LRFN2: variants seen among roughly 807,000 people sequenced by gnomAD.
The protein encoded by LRFN2 is leucine rich repeat and fibronectin type III domain containing 2, also known as leucine-rich repeat and fibronectin type-III domain-containing protein 2.
LRFN2 carries 18 observed loss-of-function variants against 37.3 expected under a neutral mutation model. The observed-to-expected ratio is 0.48, with a 90% confidence interval of 0.33 to 0.72. LRFN2 has a LOEUF of 0.72. LRFN2 is among the 30% of genes least tolerant of loss of function. The probability of loss-of-function intolerance (pLI) is 0.02; values close to 1 mark genes in which losing one functional copy is unlikely to be tolerated. For synonymous variants in LRFN2, 556 were observed against 466.6 expected, an observed-to-expected ratio of 1.19 and a Z score of -2.47; for missense variants, 1,006 against 1,060.7, an observed-to-expected ratio of 0.95 and a Z score of 0.72.
intron 1 of LRFN2, among the ~76,000 whole-genome samples, chr6:40,586,263 G>A (rs543842279): frequency 1.8e-4 from 28 of 152,222 alleles, no homozygotes; most frequent in African/African-American, 6.7e-4. Context: ...GGGCTGGGTG[G>A]GAGACAGAGA....
chr6:40,432,849 T>G lies in LRFN2; in HGVS notation c.265A>C (p.Ser89Arg). Residue 89 changes from serine (S) to arginine (R), a missense_variant, in exon 2 of 3, where the codon AGC becomes CGC. Ser to Arg is a moderately radical substitution (Grantham distance 110). Transcript: ENST00000338305. ...AGAAAGGAAAAGGGCTGGATGTGGC[T>G]GATGGTGTTCCTGGACAGGGTCAGG... Reference protein sequence around the residue: ...VDLTLSRNTISHIQPFSFLDL... With the variant: ...VDLTLSRNTIRHIQPFSFLDL... 1.2e-6 allele frequency: 2 copies of G among 1,614,250 alleles called. No individual in the cohort carries two copies. The highest frequency in any genetic ancestry group is 8.5e-7 in the Non-Finnish European group (1 of 1,180,054).
intron 1 of LRFN2, among the ~76,000 whole-genome samples, chr6:40,472,704 ACT>A (rs1764626777): frequency 6.6e-6 from 1 of 151,316 alleles, no homozygotes; most frequent in South Asian, 2.1e-4. Flanking sequence ...ATGTGACCTG[ACT>A]CTGAGCAGCA....
intron 1 of LRFN2, among the ~76,000 whole-genome samples, chr6:40,437,837 G>T (rs71573305): frequency 6.6e-6 from 1 of 152,196 alleles, no homozygotes; most frequent in African/African-American, 2.4e-5. Flanking sequence ...AAGTATCTTA[G>T]GGTGGTGTAG....
At chr6:40,511,096 G>C (rs1419805061) in intron 1 of LRFN2, among the ~76,000 whole-genome samples, 2 of 152,122 alleles carry the variant, frequency 1.3e-5, no homozygotes, top group Non-Finnish European at 2.9e-5. Flanking sequence ...ACACAGAGTT[G>C]AGTTATCATG....
intron 1 of LRFN2, among the ~76,000 whole-genome samples, chr6:40,522,957 T>C (rs949588289): frequency 2.0e-5 from 3 of 152,230 alleles, no homozygotes; most frequent in East Asian, 3.9e-4. Context: ...GATGAGTGTG[T>C]AATAAGGGAA....
intron 1 of LRFN2, among the ~76,000 whole-genome samples, chr6:40,520,780 G>GCCAGC (rs1766039162): frequency 6.6e-6 from 1 of 152,166 alleles, no homozygotes; most frequent in Non-Finnish European, 1.5e-5. Context: ...GGCCTGGCTA[G>GCCAGC]CCAGCCCCTT....
intron 1 of LRFN2, among the ~76,000 whole-genome samples, chr6:40,444,997 C>T (rs946353555): frequency 1.3e-5 from 2 of 152,024 alleles, no homozygotes; most frequent in African/African-American, 4.8e-5. Context: ...CTTCCTGCAC[C>T]CCCTCCACCT....
chr6:40,519,945 G>A (rs1478568046), intron 1 of LRFN2, among the ~76,000 whole-genome samples: 4 of 152,196 alleles, frequency 2.6e-5, no homozygotes, highest in Non-Finnish European at 4.4e-5. Context: ...AGAGGAGAAG[G>A]GGCATGGAAG....
chr6:40,463,036 C>G (rs1050787444), intron 1 of LRFN2, among the ~76,000 whole-genome samples: 1 of 152,226 alleles, frequency 6.6e-6, no homozygotes, highest in Non-Finnish European at 1.5e-5. Flanking sequence ...GAGCTCTTCC[C>G]TCATCTCCTT....
intron 1 of LRFN2, among the ~76,000 whole-genome samples, chr6:40,503,061 C>A (rs1765430987): frequency 6.6e-6 from 1 of 152,100 alleles, no homozygotes; most frequent in African/African-American, 2.4e-5. Context: ...GCCATGGAAC[C>A]TAGAGAGCAA....
At chr6:40,528,335 A>G (rs547234351) in intron 1 of LRFN2, among the ~76,000 whole-genome samples, 1 of 152,340 alleles carries the variant, frequency 6.6e-6, no homozygotes, top group Admixed American at 6.5e-5. Context: ...GTAGATGCCC[A>G]TGGGAAGAGG....
intron 1 of LRFN2, among the ~76,000 whole-genome samples, chr6:40,438,302 T>C (rs1447574690): frequency 4.6e-5 from 7 of 152,152 alleles, no homozygotes; most frequent in African/African-American, 1.7e-4. Flanking sequence ...GGTTTCTTCA[T>C]GTAGTCTTCA....
intron 2 of LRFN2, among the ~76,000 whole-genome samples, chr6:40,429,358 C>G (rs985784263): frequency 2.0e-5 from 3 of 152,220 alleles, no homozygotes; most frequent in Admixed American, 1.3e-4. Flanking sequence ...CTTCTCTCCC[C>G]CTCACGAACT....
At chr6:40,554,252 T>TTTCA (rs1449666413) in intron 1 of LRFN2, among the ~76,000 whole-genome samples, 1 of 152,102 alleles carries the variant, frequency 6.6e-6, no homozygotes, top group Non-Finnish European at 1.5e-5. Context: ...GGACCCAGGG[T>TTTCA]TTCATTTATG....
intron 1 of LRFN2, among the ~76,000 whole-genome samples, chr6:40,473,762 G>A (rs894142827): frequency 5.9e-5 from 9 of 152,030 alleles, no homozygotes; most frequent in African/African-American, 4.8e-5. Flanking sequence ...AAGCCTCGGC[G>A]TATGATGTTC....
At chr6:40,470,682 C>A (rs1725058392) in intron 1 of LRFN2, among the ~76,000 whole-genome samples, 1 of 152,142 alleles carries the variant, frequency 6.6e-6, no homozygotes, top group South Asian at 2.1e-4. Context: ...GCTGGGAAGG[C>A]AGAGCAGCCA....
At chr6:40,527,801 C>T (rs1194120109) in intron 1 of LRFN2, among the ~76,000 whole-genome samples, 2 of 152,190 alleles carry the variant, frequency 1.3e-5, no homozygotes, top group Non-Finnish European at 2.9e-5. Flanking sequence ...GCATTTGAAA[C>T]TACGTGCTTA....
At chr6:40,558,697 G>A (rs1271969099) in intron 1 of LRFN2, among the ~76,000 whole-genome samples, 1 of 152,180 alleles carries the variant, frequency 6.6e-6, no homozygotes, top group Non-Finnish European at 1.5e-5. Context: ...GTTAGCACCT[G>A]TTCCTAATAC....
At chr6:40,566,104 C>T (rs1767084937) in intron 1 of LRFN2, among the ~76,000 whole-genome samples, 1 of 152,136 alleles carries the variant, frequency 6.6e-6, no homozygotes, top group South Asian at 2.1e-4. Context: ...CAAAAGAAGA[C>T]ATTTATGCAG....
Sources: allele counts gnomAD v4.1 joint callset (sites outside exome capture counted in the v4.1 genomes callset), GRCh38; gene constraint gnomAD v4.1.1; transcripts MANE v1.5; gene names NCBI Gene and HGNC (gene_info 2026-07-23, HGNC 2026-07-21).